The following COL24A1 variants were observed in gnomAD, a reference collection of about 807,000 sequenced individuals.
COL24A1 encodes collagen alpha-1(XXIV) chain.
Under a neutral mutation model 253.9 loss-of-function variants are expected in COL24A1, and 224 were observed. That is an observed-to-expected ratio of 0.88 (90% CI 0.79 to 0.99). The LOEUF is 0.99. COL24A1 is among the 50% of genes least tolerant of loss of function. The pLI, the probability that COL24A1 is intolerant of heterozygous loss-of-function variation, is 0.00. For missense variants in COL24A1, 2,131 were observed against 2,068.5 expected (o/e 1.03, Z -0.59); for synonymous variants, 685 against 673.7 (o/e 1.02, Z -0.26).
At chr1:86,093,888 A>T (rs1159101013) in intron 5 of COL24A1, among the ~76,000 whole-genome samples, 4 of 152,190 alleles carry the variant, frequency 2.6e-5, no homozygotes, top group Non-Finnish European at 5.9e-5. Context: ...ATATGAAAAA[A>T]ATCTCAACAT....
chr1:85,867,675 G>A (rs1424702864), intron 37 of COL24A1, among the ~76,000 whole-genome samples: 1 of 143,732 alleles, frequency 7.0e-6, no homozygotes, highest in African/African-American at 2.5e-5. Context: ...GACCAGATAG[G>A]CTGTATCTGG....
intron 39 of COL24A1, among the ~76,000 whole-genome samples, chr1:85,846,201 C>T (rs1677122924): frequency 6.6e-6 from 1 of 151,694 alleles, no homozygotes; most frequent in Non-Finnish European, 1.5e-5. Flanking sequence ...TAAACTTAGT[C>T]TTCTACACCT....
chr1:85,847,188 T>C (rs1246054100), intron 39 of COL24A1, among the ~76,000 whole-genome samples: 1 of 152,162 alleles, frequency 6.6e-6, no homozygotes, highest in Non-Finnish European at 1.5e-5. Context: ...CTGAGAAAGA[T>C]GAAAGATAAA....
At chr1:85,755,371 G>T (rs776055513) in intron 55 of COL24A1, among the ~76,000 whole-genome samples, 3 of 152,162 alleles carry the variant, frequency 2.0e-5, no homozygotes, top group Admixed American at 6.5e-5. Context: ...AAGAGCAGTA[G>T]TAGAAGTTAC....
rs140059871 is a variant in COL24A1, at chr1:85,817,946, G to A, written c.3843+88C>T. On this transcript the variant is annotated intron_variant, in intron 46 of 59. Transcript: ENST00000370571. ...GACAATCTGATTTATCCAACATGATGACACAATTGGCCCCAAACTTTTCTG... is the reference window on the plus strand; with the variant it reads ...GACAATCTGATTTATCCAACATGATAACACAATTGGCCCCAAACTTTTCTG... The A allele has an allele frequency of 8.0e-5, 82 of 1,022,958 alleles. No homozygotes were observed. In the African/African-American group the frequency reaches 1.2e-3, roughly 15 times the overall value. 63.4% of individuals were successfully genotyped at this position (1,022,958 alleles called of 1,614,324 possible).
intron 19 of COL24A1, among the ~76,000 whole-genome samples, chr1:85,992,848 C>A (rs1424251965): frequency 1.3e-5 from 2 of 152,172 alleles, no homozygotes; most frequent in Admixed American, 6.5e-5. Flanking sequence ...AAAGAAACAG[C>A]AGTCTGGCTT....
chr1:86,094,075 G>A (rs984212401), intron 5 of COL24A1, among the ~76,000 whole-genome samples: 1 of 152,156 alleles, frequency 6.6e-6, no homozygotes, highest in African/African-American at 2.4e-5. Context: ...GCGGAAGACA[G>A]TGTGGCAATT....
chr1:86,132,245 A>T (rs1476712587), intron 2 of COL24A1, among the ~76,000 whole-genome samples: 1 of 151,976 alleles, frequency 6.6e-6, no homozygotes, highest in African/African-American at 2.4e-5. Context: ...GTTTGAGTTC[A>T]TTGTAGATTC....
At chr1:85,743,144 A>G (rs1392433303) in intron 57 of COL24A1, among the ~76,000 whole-genome samples, 1 of 152,186 alleles carries the variant, frequency 6.6e-6, no homozygotes, top group East Asian at 1.9e-4. Context: ...ATGGCTTCCC[A>G]TCTTATCAAG....
Position 85,907,773 on chromosome 1 carries a change from T to C in COL24A1, c.2725-526A>G, listed in dbSNP as rs11161706. On this transcript the variant is annotated intron_variant, in intron 27 of 59. Transcript: ENST00000370571. ...TTGCTATTTATTATTAAGTCAATTA[T>C]AATGAATTATTTTTATAGCTATAGT... 1.2e-3 allele frequency among the ~76,000 whole-genome samples: 183 copies of C among 151,986 alleles called. 1 individual carries two copies. Among genetic ancestry groups the C allele is most frequent in the African/African-American group, 4.2e-3 (173 of 41,562 alleles).
rs1415367050 is a variant in COL24A1 at position 85,729,831 on chromosome 1, G to A, written c.*715C>T. ...CTGGCTTTGATTCCAAATACACAAA[G>A]AGAATTTTAAAATAAAACAAGGACT... On this transcript the variant is annotated 3_prime_UTR_variant, in exon 60 of 60. Transcript: ENST00000370571. 1 of 152,566 alleles carries A rather than the reference G, an allele frequency of 6.6e-6. No homozygotes were observed. Among genetic ancestry groups the A allele is most frequent in the Non-Finnish European group, 1.5e-5 (1 of 68,012 alleles). The allele number at this position is 152,566 out of a possible 1,614,324, so 9.5% of individuals were successfully genotyped here. A position where few individuals can be genotyped will look rare whatever the true frequency, so the allele number is the denominator to read the frequency against.
intron 24 of COL24A1, among the ~76,000 whole-genome samples, chr1:85,947,661 T>C (rs1023470153): frequency 6.6e-6 from 1 of 152,226 alleles, no homozygotes; most frequent in East Asian, 1.9e-4. Context: ...AAAATCAGTG[T>C]AACTGATTGA....
intron 47 of COL24A1, among the ~76,000 whole-genome samples, chr1:85,813,845 C>T (rs145062112): frequency 6.6e-6 from 1 of 152,188 alleles, no homozygotes; most frequent in African/African-American, 2.4e-5. Flanking sequence ...GCCACCGCGC[C>T]CGGCCTCATT....
chr1:85,952,678 G>T (rs895988520), intron 24 of COL24A1, among the ~76,000 whole-genome samples: 1 of 152,142 alleles, frequency 6.6e-6, no homozygotes, highest in Non-Finnish European at 1.5e-5. Flanking sequence ...TGTAAATAAA[G>T]TTACTGGGAA....
intron 1 of COL24A1, among the ~76,000 whole-genome samples, chr1:86,148,552 A>T (rs1036791208): frequency 9.4e-6 from 1 of 106,098 alleles, no homozygotes; most frequent in East Asian, 2.8e-4. Flanking sequence ...TCCTGTGCCC[A>T]TGTGTTTTCA....
chr1:85,947,033 TA>T (rs1347415959), intron 24 of COL24A1, among the ~76,000 whole-genome samples: 1 of 152,226 alleles, frequency 6.6e-6, no homozygotes, highest in Non-Finnish European at 1.5e-5. Context: ...ATATTAAATG[TA>T]AAATAATTAG....
chr1:85,816,123 C>T (rs1673019221), intron 47 of COL24A1, among the ~76,000 whole-genome samples: 1 of 152,002 alleles, frequency 6.6e-6, no homozygotes. Flanking sequence ...AAAGTAGAGG[C>T]CAACACTGAG....
intron 24 of COL24A1, among the ~76,000 whole-genome samples, chr1:85,921,122 G>T (rs1293602309): frequency 6.6e-6 from 1 of 152,166 alleles, no homozygotes; most frequent in African/African-American, 2.4e-5. Flanking sequence ...AACCAAATCA[G>T]GGTGGGGCAT....
intron 19 of COL24A1, among the ~76,000 whole-genome samples, chr1:86,014,507 T>A (rs1431000616): frequency 6.6e-6 from 1 of 152,196 alleles, no homozygotes; most frequent in Non-Finnish European, 1.5e-5. Context: ...GTTTTAAGAC[T>A]CTTATTAGAC....
Sources: allele counts gnomAD v4.1 joint callset (sites outside exome capture counted in the v4.1 genomes callset), GRCh38; gene constraint gnomAD v4.1.1; transcripts MANE v1.5; gene names NCBI Gene and HGNC (gene_info 2026-07-23, HGNC 2026-07-21).